Variants in TRAPPC9 observed in about 807,000 individuals in gnomAD.
The protein encoded by TRAPPC9 is IKK2 binding protein.
TRAPPC9 carries 83 observed loss-of-function variants against 124.0 expected under a neutral mutation model. That is an observed-to-expected ratio of 0.67 (90% CI 0.56 to 0.80). TRAPPC9 has a LOEUF of 0.80. TRAPPC9 is among the 30% of genes least tolerant of loss of function. The pLI, the probability that TRAPPC9 is intolerant of heterozygous loss-of-function variation, is 0.00. For missense variants in TRAPPC9, 1,302 were observed against 1,508.3 expected (o/e 0.86, Z 2.27); for synonymous variants, 638 against 617.5 (o/e 1.03, Z -0.49).
intron 16 of TRAPPC9, among the ~76,000 whole-genome samples, chr8:140,243,870 T>G (rs1236779715): frequency 1.3e-5 from 2 of 152,258 alleles, no homozygotes; most frequent in African/African-American, 2.4e-5. Context: ...CCGCAACCCC[T>G]GGTGGCCTGT....
intron 7 of TRAPPC9, among the ~76,000 whole-genome samples, chr8:140,384,213 A>G (rs958739635): frequency 2.3e-4 from 34 of 146,980 alleles, no homozygotes; most frequent in Non-Finnish European, 1.1e-4. Context: ...AAACATGCCA[A>G]ATTGTAAAGA....
At chr8:139,744,541 C>A (rs1474999512) in intron 21 of TRAPPC9, among the ~76,000 whole-genome samples, 2 of 152,250 alleles carry the variant, frequency 1.3e-5, no homozygotes, top group African/African-American at 2.4e-5. Flanking sequence ...CCCAGCTCTG[C>A]ACACTCCAGC....
intron 17 of TRAPPC9, among the ~76,000 whole-genome samples, chr8:140,162,130 G>A (rs1295751372): frequency 6.6e-6 from 1 of 152,170 alleles, no homozygotes; most frequent in African/African-American, 2.4e-5. Flanking sequence ...ATTATACTGA[G>A]CTGTACCGAG....
At chr8:139,812,965 G>C (rs1563833441) in intron 21 of TRAPPC9, among the ~76,000 whole-genome samples, 2 of 152,358 alleles carry the variant, frequency 1.3e-5, no homozygotes, top group East Asian at 3.9e-4. Flanking sequence ...TTCTAGAGCT[G>C]CAAGCTCCAC....
At chr8:140,442,460 G>A (rs1389063106) in intron 2 of TRAPPC9, among the ~76,000 whole-genome samples, 4 of 151,812 alleles carry the variant, frequency 2.6e-5, no homozygotes, top group African/African-American at 4.8e-5. Context: ...TTAGCCGGGC[G>A]TGGTGGCAGG....
intron 18 of TRAPPC9, among the ~76,000 whole-genome samples, chr8:139,989,721 C>T (rs1457416376): frequency 1.3e-5 from 2 of 152,170 alleles, no homozygotes; most frequent in Non-Finnish European, 2.9e-5. Flanking sequence ...TTTGGGTGGC[C>T]GTGGCAGCCC....
In TRAPPC9 at chr8:140,377,500, T is replaced by C. The variant is rs1419952524; in HGVS notation, c.1135-6320A>G. Among the ~76,000 whole-genome samples, 7 of 152,288 alleles carry C rather than the reference T, an allele frequency of 4.6e-5. No individual in the cohort carries two copies. The East Asian group carries it at 7.7e-4, about 17-fold the overall frequency. ...TTTTAGTAGAGACAGGGTTTCGTCA[T>C]GTTGGCCAAGCTGGTCTCAAACTCC... On this transcript the variant is annotated intron_variant, in intron 7 of 22. Coordinates refer to ENST00000438773, the MANE Select transcript of TRAPPC9 (RefSeq NM_001160372.4).
intron 1 of TRAPPC9, 108 bp from the exon 2 acceptor site, chr8:140,451,491 C>T: frequency 1.1e-6 from 1 of 950,250 alleles, no homozygotes. Context: ...CAGGGGAAGC[C>T]CCAAGGAAAG....
intron 16 of TRAPPC9, among the ~76,000 whole-genome samples, chr8:140,244,719 G>A (rs111376426): frequency 4.6e-5 from 7 of 151,218 alleles, no homozygotes; most frequent in African/African-American, 1.7e-4. Flanking sequence ...AAACCTTCTT[G>A]GATAAAATAA....
At chr8:140,056,278 T>C (rs569009482) in intron 17 of TRAPPC9, among the ~76,000 whole-genome samples, 11 of 151,448 alleles carry the variant, frequency 7.3e-5, no homozygotes, top group Admixed American at 5.9e-4. Flanking sequence ...GGTGTAGTGG[T>C]GTGCACCTGT....
rs150787443 is a variant in TRAPPC9, at chr8:140,322,252, C to G, written c.1496-10878G>C. Among the ~76,000 whole-genome samples the G allele has an allele frequency of 7.8e-3, 1,191 of 152,182 alleles. 12 individuals are homozygous for G. Among genetic ancestry groups the G allele is most frequent in the African/African-American group, 0.027 (1,106 of 41,514 alleles). On this transcript the variant is annotated intron_variant, in intron 9 of 22. Coordinates refer to ENST00000438773, the MANE Select transcript of TRAPPC9 (RefSeq NM_001160372.4). ...ACTCCAGTCTTTTCTGTGCCCAGAC[C>G]CCAAGCCAACAGAAGGTCAAATCCT...
At chr8:139,850,638 T>C (rs1012068651) in intron 21 of TRAPPC9, among the ~76,000 whole-genome samples, 4 of 152,256 alleles carry the variant, frequency 2.6e-5, no homozygotes, top group Admixed American at 6.5e-5. Flanking sequence ...TCTGTGTCAA[T>C]GAGTTGAACA....
intron 20 of TRAPPC9, among the ~76,000 whole-genome samples, chr8:139,904,224 G>A (rs892419563): frequency 6.6e-6 from 1 of 152,154 alleles, no homozygotes; most frequent in African/African-American, 2.4e-5. Flanking sequence ...GGCACAATCT[G>A]GCAAGGGAGA....
chr8:139,739,580 C>A (rs1360005202), intron 21 of TRAPPC9, among the ~76,000 whole-genome samples: 3 of 152,216 alleles, frequency 2.0e-5, no homozygotes, highest in South Asian at 4.1e-4. Context: ...AGCCTCTGCA[C>A]CTGCCATCCT....
At chr8:140,425,319 G>A (rs560606299) in intron 5 of TRAPPC9, among the ~76,000 whole-genome samples, 2 of 152,266 alleles carry the variant, frequency 1.3e-5, no homozygotes, top group East Asian at 3.9e-4. Context: ...TTTCTCATTT[G>A]GGACCATTAC....
At chr8:139,812,801 C>T (rs954030105) in intron 21 of TRAPPC9, among the ~76,000 whole-genome samples, 1 of 152,150 alleles carries the variant, frequency 6.6e-6, no homozygotes, top group African/African-American at 2.4e-5. Context: ...CTTTGCCTTC[C>T]AGGGGCATGG....
chr8:139,924,390 A>G (rs1832683923), intron 19 of TRAPPC9, among the ~76,000 whole-genome samples: 1 of 152,224 alleles, frequency 6.6e-6, no homozygotes, highest in African/African-American at 2.4e-5. Flanking sequence ...AAGGGACAGC[A>G]GAGGTCACAG....
At chr8:140,354,584 C>T (rs535388215) in intron 9 of TRAPPC9, among the ~76,000 whole-genome samples, 144 of 152,314 alleles carry the variant, frequency 9.5e-4, no homozygotes, top group Non-Finnish European at 1.7e-3. Flanking sequence ...ATCACCAGTC[C>T]AGCTTCACAA....
intron 9 of TRAPPC9, among the ~76,000 whole-genome samples, chr8:140,348,477 C>T (rs1207561098): frequency 4.6e-5 from 7 of 152,090 alleles, no homozygotes; most frequent in Non-Finnish European, 8.8e-5. Context: ...GCAATCACAA[C>T]GCTCAAAAAG....
Sources: allele counts gnomAD v4.1 joint callset (sites outside exome capture counted in the v4.1 genomes callset), GRCh38; gene constraint gnomAD v4.1.1; transcripts MANE v1.5; gene names NCBI Gene and HGNC (gene_info 2026-07-23, HGNC 2026-07-21).